Variants in PRUNE2 observed in about 807,000 individuals in gnomAD.
The protein encoded by PRUNE2 is prune homolog 2 with BCH domain.
PRUNE2 carries 164 observed loss-of-function variants against 252.0 expected under a neutral mutation model. The ratio of observed to expected loss-of-function variants is 0.65; its 90% confidence interval spans 0.57 to 0.74. The LOEUF (loss-of-function observed/expected upper bound fraction) is 0.74. PRUNE2 is among the 30% of genes least tolerant of loss of function. The pLI is 0.00. For missense variants in PRUNE2, 3,495 were observed against 3,711.0 expected, an observed-to-expected ratio of 0.94 and a Z score of 1.51; for synonymous variants, 1,292 against 1,350.2, an observed-to-expected ratio of 0.96 and a Z score of 0.94.
At chr9:76,826,343 T>C (rs1480236020) in intron 5 of PRUNE2, among the ~76,000 whole-genome samples, 1 of 152,116 alleles carries the variant, frequency 6.6e-6, no homozygotes, top group Non-Finnish European at 1.5e-5. Flanking sequence ...ACTGTCATGG[T>C]GCATGCCTGT....
intron 17 of PRUNE2, among the ~76,000 whole-genome samples, chr9:76,620,179 G>A (rs1237595890): frequency 5.7e-5 from 8 of 141,480 alleles, no homozygotes; most frequent in African/African-American, 1.3e-4. Context: ...TTGCTCTGTC[G>A]CCCAGGCTGA....
At chr9:76,688,260 A>G (rs1344338282) in intron 9 of PRUNE2, among the ~76,000 whole-genome samples, 1 of 152,222 alleles carries the variant, frequency 6.6e-6, no homozygotes, top group Non-Finnish European at 1.5e-5. Flanking sequence ...CCTCTTGGCA[A>G]CAAAGAAAGT....
At chr9:76,642,241 G>T (rs1414256183) in intron 12 of PRUNE2, among the ~76,000 whole-genome samples, 1 of 152,136 alleles carries the variant, frequency 6.6e-6, no homozygotes, top group Non-Finnish European at 1.5e-5. Flanking sequence ...CAGTGGTGTT[G>T]AGATTACCCT....
At chr9:76,665,550 C>A (rs1227902250) in intron 9 of PRUNE2, among the ~76,000 whole-genome samples, 1 of 152,184 alleles carries the variant, frequency 6.6e-6, no homozygotes, top group Non-Finnish European at 1.5e-5. Context: ...CTCCCCACTG[C>A]CACCCTCTCC....
intron 6 of PRUNE2, among the ~76,000 whole-genome samples, chr9:76,773,087 T>G (rs2053292625): frequency 6.6e-6 from 1 of 152,214 alleles, no homozygotes; most frequent in African/African-American, 2.4e-5. Context: ...ATTTATAACC[T>G]GAGATCCTAC....
intron 13 of PRUNE2, among the ~76,000 whole-genome samples, 184 bp downstream of exon 13, chr9:76,638,002 C>T (rs930903894): frequency 6.6e-6 from 1 of 152,176 alleles, no homozygotes; most frequent in Admixed American, 6.5e-5. Flanking sequence ...CTAGTCTACC[C>T]ACAAAAGAGC....
At chr9:76,825,702 C>CG (rs1564382690) in intron 5 of PRUNE2, among the ~76,000 whole-genome samples, 1 of 152,198 alleles carries the variant, frequency 6.6e-6, no homozygotes, top group East Asian at 1.9e-4. Context: ...CAGACTGGGA[C>CG]GTCAAAGCAC....
At chr9:76,829,848 C>A (rs979980948) in intron 4 of PRUNE2, among the ~76,000 whole-genome samples, 1 of 151,798 alleles carries the variant, frequency 6.6e-6, no homozygotes. Flanking sequence ...TTAGTCTCAT[C>A]ATCTCCACAT....
intron 6 of PRUNE2, among the ~76,000 whole-genome samples, chr9:76,745,343 C>T (rs1464837959): frequency 1.3e-5 from 2 of 152,178 alleles, no homozygotes; most frequent in Admixed American, 6.5e-5. Context: ...TAGACATAAA[C>T]AATTGCCAAC....
At chr9:76,756,207 T>C (rs2051133776) in intron 6 of PRUNE2, among the ~76,000 whole-genome samples, 1 of 152,342 alleles carries the variant, frequency 6.6e-6, no homozygotes. Flanking sequence ...TGTAAGTGCA[T>C]ATGTCAAAAG....
intron 7 of PRUNE2, 28 bp from the exon 8 acceptor site, chr9:76,711,386 A>T: frequency 6.7e-7 from 1 of 1,500,336 alleles, no homozygotes; most frequent in Non-Finnish European, 9.1e-7. Flanking sequence ...AATTTGTGTC[A>T]GCACTCAAGC....
At chr9:76,793,372 G>GAGGATTGACGAACATTT (rs1253287350) in intron 6 of PRUNE2, among the ~76,000 whole-genome samples, 1 of 152,190 alleles carries the variant, frequency 6.6e-6, no homozygotes, top group Non-Finnish European at 1.5e-5. Flanking sequence ...TAAAGGGGTG[G>GAGGATTGACGAACATTT]AGGATTGACG....
intron 9 of PRUNE2, among the ~76,000 whole-genome samples, chr9:76,681,640 C>T (rs892780575): frequency 6.6e-6 from 1 of 152,064 alleles, no homozygotes; most frequent in South Asian, 2.1e-4. Context: ...GCTTGATGTC[C>T]TGGGACAGCT....
intron 6 of PRUNE2, among the ~76,000 whole-genome samples, chr9:76,789,291 C>G (rs1462184331): frequency 6.6e-6 from 1 of 152,158 alleles, no homozygotes; most frequent in Non-Finnish European, 1.5e-5. Flanking sequence ...TTGATGTAAC[C>G]ATAGCAATCA....
intron 9 of PRUNE2, among the ~76,000 whole-genome samples, chr9:76,683,453 A>G (rs1008757361): frequency 6.6e-6 from 1 of 152,218 alleles, no homozygotes. Flanking sequence ...ATTAGTTCTT[A>G]GGTTTTCATA....
intron 18 of PRUNE2, chr9:76,614,985 C>A: frequency 2.0e-6 from 1 of 511,356 alleles, no homozygotes; most frequent in Non-Finnish European, 2.6e-6. Flanking sequence ...AAATGTTCTG[C>A]CTCAAGTAAG....
rs2062542120 is a variant in PRUNE2 at position 76,892,440 on chromosome 9, AAAGACATAATTCT to A, written c.36+13475_36+13487del. On this transcript the variant is annotated intron_variant, in intron 1 of 18. Transcript: ENST00000376718. ...TCATTGCATACTGGAAAGCCAGTTT[AAAGACATAATTCT>A]AAACAGGAGAAAATGTTTTTATGTG... Among the ~76,000 whole-genome samples the A allele has an allele frequency of 2.0e-5, 3 of 152,370 alleles. No homozygotes were observed. In the South Asian group the frequency reaches 6.2e-4, roughly 32 times the overall value.
At chr9:76,660,730 C>T (rs753308376) in intron 9 of PRUNE2, among the ~76,000 whole-genome samples, 8 of 142,754 alleles carry the variant, frequency 5.6e-5, no homozygotes, top group African/African-American at 1.6e-4. Context: ...TGCAGAGAGC[C>T]GAGATTACAT....
intron 4 of PRUNE2, among the ~76,000 whole-genome samples, chr9:76,828,996 G>A (rs1257067377): frequency 8.2e-6 from 1 of 121,964 alleles, no homozygotes; most frequent in Non-Finnish European, 1.6e-5. Flanking sequence ...CAGCCTAGGA[G>A]ACAGAGTCTC....
Sources: allele counts gnomAD v4.1 joint callset (sites outside exome capture counted in the v4.1 genomes callset), GRCh38; gene constraint gnomAD v4.1.1; transcripts MANE v1.5; gene names NCBI Gene and HGNC (gene_info 2026-07-23, HGNC 2026-07-21).